TSHZ2: variants seen among roughly 807,000 people sequenced by gnomAD.
The protein encoded by TSHZ2 is teashirt zinc finger homeobox 2, also known as teashirt homolog 2.
TSHZ2 carries 21 observed loss-of-function variants against 74.4 expected under a neutral mutation model. That is an observed-to-expected ratio of 0.28 (90% CI 0.20 to 0.41). The LOEUF (loss-of-function observed/expected upper bound fraction) is 0.41, where lower values mean the gene tolerates loss of function less well. Among genes scored for constraint, TSHZ2 ranks in the 10% least tolerant of loss-of-function variants. TSHZ2 has a pLI of 1.00. For synonymous variants in TSHZ2, 540 were observed against 515.3 expected (o/e 1.05, Z -0.65); for missense variants, 1,244 against 1,293.5 (o/e 0.96, Z 0.59).
At chr20:53,130,792 GA>G (rs1324771373) in intron 1 of TSHZ2, among the ~76,000 whole-genome samples, 2 of 152,254 alleles carry the variant, frequency 1.3e-5, no homozygotes, top group African/African-American at 4.8e-5. Context: ...TTGTTACCTT[GA>G]ACAGAGACAG....
At position 53,074,220 on chromosome 20, in the gene TSHZ2, C is replaced by T. The variant is rs1800336550; in HGVS notation, c.40+100887C>T. On this transcript the variant is annotated intron_variant, in intron 1 of 2. Transcript: ENST00000371497. The surrounding 1 kb of genome is among the most constrained non-coding windows in gnomAD (Gnocchi z 5.9). ...CCCTTGTGAAGTTAGAGGATTCTTCCTTTGAGTAAGAAGTTAAATGTTTCA... is the reference window on the plus strand; with the variant it reads ...CCCTTGTGAAGTTAGAGGATTCTTCTTTTGAGTAAGAAGTTAAATGTTTCA... 1.3e-5 allele frequency among the ~76,000 whole-genome samples: 2 copies of T among 152,346 alleles called. No homozygotes were observed. Among genetic ancestry groups the T allele is most frequent in the African/African-American group, 4.8e-5 (2 of 41,580 alleles).
chr20:53,376,592 T>C (rs1374407336), intron 2 of TSHZ2, among the ~76,000 whole-genome samples: 1 of 152,244 alleles, frequency 6.6e-6, no homozygotes, highest in South Asian at 2.1e-4. Context: ...CTTATGCAGT[T>C]GCTTGGGCTA....
At chr20:53,239,522 G>T (rs1990017465) in intron 1 of TSHZ2, among the ~76,000 whole-genome samples, 2 of 152,138 alleles carry the variant, frequency 1.3e-5, no homozygotes, top group Admixed American at 1.3e-4. Context: ...TTACCACCTG[G>T]GAGGGGAGGT....
Position 53,043,935 on chromosome 20 carries a change from C to T in TSHZ2, c.40+70602C>T, listed in dbSNP as rs191943652. ...TCGCTGGAGACTCAAAGAAAAAGCA[C>T]TGAGCTATATTTTCAGTTCTTTAAT... is the stretch of plus-strand genomic sequence containing the variant. On this transcript the variant is annotated intron_variant, in intron 1 of 2. Coordinates refer to ENST00000371497, the MANE Select transcript of TSHZ2 (RefSeq NM_173485.6). Among the ~76,000 whole-genome samples, 417 of 152,294 alleles carry T rather than the reference C, an allele frequency of 2.7e-3. 3 individuals are homozygous for T. The highest frequency in any genetic ancestry group is 4.9e-3 in the Non-Finnish European group (335 of 68,000).
At chr20:52,995,306 G>A (rs890340564) in intron 1 of TSHZ2, among the ~76,000 whole-genome samples, 3 of 152,044 alleles carry the variant, frequency 2.0e-5, no homozygotes, top group Admixed American at 6.5e-5. Flanking sequence ...TACCATCATC[G>A]TCCATCTGGC....
chr20:53,297,123 A>G (rs1469279639), intron 2 of TSHZ2, among the ~76,000 whole-genome samples: 1 of 152,242 alleles, frequency 6.6e-6, no homozygotes, highest in Admixed American at 6.5e-5. Flanking sequence ...TGTAATCTCT[A>G]ACTGCAAAGG....
At chr20:53,135,375 A>G (rs1444016370) in intron 1 of TSHZ2, among the ~76,000 whole-genome samples, 1 of 152,168 alleles carries the variant, frequency 6.6e-6, no homozygotes, top group African/African-American at 2.4e-5. Context: ...TGAATAATGT[A>G]TATAGATAGA....
At chr20:53,077,472 G>GA (rs1568748493) in intron 1 of TSHZ2, among the ~76,000 whole-genome samples, 3 of 151,490 alleles carry the variant, frequency 2.0e-5, no homozygotes, top group African/African-American at 7.3e-5. Context: ...CTGTGAGAGT[G>GA]AATTAGTTTT....
intron 1 of TSHZ2, among the ~76,000 whole-genome samples, chr20:52,976,476 T>C (rs1298953753): frequency 6.6e-6 from 1 of 152,258 alleles, no homozygotes; most frequent in Non-Finnish European, 1.5e-5. Context: ...CACTATTACC[T>C]GAAAATATTG....
chr20:53,357,065 G>C (rs1242309526), intron 2 of TSHZ2, among the ~76,000 whole-genome samples: 1 of 151,994 alleles, frequency 6.6e-6, no homozygotes, highest in Non-Finnish European at 1.5e-5. Flanking sequence ...CAAAACCAAA[G>C]GGACAGTTCT....
rs532622735 is a variant in TSHZ2, at chr20:52,972,776, G to A, written c.-518G>A. ...AGGAGGAGGAGGAGGAGGGAAAGAG[G>A]AGAAGGAAGAAGAAGAAAAAGAAGA... On this transcript the variant is annotated 5_prime_UTR_variant, in exon 1 of 3. Transcript: ENST00000371497. 1 of 166,402 alleles carries A rather than the reference G, an allele frequency of 6.0e-6. No individual in the cohort carries two copies. The highest frequency in any genetic ancestry group is 1.8e-4 in the South Asian group (1 of 5,696). The allele number at this position is 166,402 out of a possible 1,614,324, so 10.3% of individuals were successfully genotyped here. A position where few individuals can be genotyped will look rare whatever the true frequency, so the allele number is the denominator to read the frequency against.
intron 1 of TSHZ2, among the ~76,000 whole-genome samples, chr20:52,983,591 T>C (rs142551032): frequency 6.6e-6 from 1 of 152,362 alleles, no homozygotes; most frequent in East Asian, 1.9e-4. Context: ...TTAGCAGACC[T>C]CTGGACCAAT....
intron 2 of TSHZ2, among the ~76,000 whole-genome samples, chr20:53,424,460 CTGTT>C (rs759325784): frequency 2.0e-5 from 3 of 152,116 alleles, no homozygotes; most frequent in African/African-American, 7.2e-5. Context: ...GTAGATATGT[CTGTT>C]TAAGTATACA....
At chr20:53,123,334 C>A (rs1986863354) in intron 1 of TSHZ2, among the ~76,000 whole-genome samples, 1 of 152,192 alleles carries the variant, frequency 6.6e-6, no homozygotes, top group Non-Finnish European at 1.5e-5. Context: ...GGGCTGATCT[C>A]AGTTGGTCCT....
At chr20:53,041,027 C>G (rs1204017577) in intron 1 of TSHZ2, among the ~76,000 whole-genome samples, 1 of 152,222 alleles carries the variant, frequency 6.6e-6, no homozygotes, top group Non-Finnish European at 1.5e-5. Context: ...ACTGGTTAGT[C>G]TCTGCAGGAA....
chr20:53,030,643 GTC>G (rs1281391908), intron 1 of TSHZ2, among the ~76,000 whole-genome samples: 1 of 152,160 alleles, frequency 6.6e-6, no homozygotes, highest in African/African-American at 2.4e-5. Context: ...TGGCCATTGT[GTC>G]TCTGAAATAA....
At chr20:53,368,743 T>G (rs1981365353) in intron 2 of TSHZ2, among the ~76,000 whole-genome samples, 1 of 152,182 alleles carries the variant, frequency 6.6e-6, no homozygotes, top group Admixed American at 6.5e-5. Context: ...TTTCAACAAG[T>G]GAAATTTACT....
chr20:53,045,014 A>G (rs1440889597), intron 1 of TSHZ2, among the ~76,000 whole-genome samples: 1 of 152,230 alleles, frequency 6.6e-6, no homozygotes, highest in African/African-American at 2.4e-5. Flanking sequence ...TTTTTAAAAA[A>G]TTAATTCTCA....
intron 1 of TSHZ2, among the ~76,000 whole-genome samples, chr20:53,133,260 C>T (rs1568775296): frequency 6.6e-6 from 1 of 152,208 alleles, no homozygotes; most frequent in Non-Finnish European, 1.5e-5. Flanking sequence ...TTGGTCTCCT[C>T]AGCCAGGAGC....
Sources: gnomAD v4.1 joint callset for allele counts (sites outside exome capture counted in the v4.1 genomes callset) on GRCh38, gnomAD v4.1.1 for gene constraint, Gnocchi (gnomAD v3.1) non-coding constraint, MANE v1.5 for transcripts, NCBI Gene and HGNC (gene_info 2026-07-23, HGNC 2026-07-21) for gene names.